Variants in FLT1 observed in about 807,000 individuals in gnomAD.
The protein encoded by FLT1 is vascular endothelial growth factor receptor 1.
Under a neutral mutation model 156.3 loss-of-function variants are expected in FLT1, and 49 were observed. The ratio of observed to expected loss-of-function variants is 0.31; its 90% CI spans 0.25 to 0.40. The LOEUF is 0.40. Among genes scored for constraint, FLT1 ranks in the 10% least tolerant of loss-of-function variants. The pLI, the probability that FLT1 is intolerant of heterozygous loss-of-function variation, is 1.00. For missense variants in FLT1, 1,322 were observed against 1,637.2 expected (o/e 0.81, Z 3.32); for synonymous variants, 594 against 583.8 (o/e 1.02, Z -0.25).
chr13:28,492,562 T>C (rs1881528166), intron 1 of FLT1, among the ~76,000 whole-genome samples: 1 of 152,372 alleles, frequency 6.6e-6, no homozygotes, highest in African/African-American at 2.4e-5. Flanking sequence ...TCAATGCATG[T>C]GCACACCAGG....
intron 6 of FLT1, among the ~76,000 whole-genome samples, chr13:28,431,555 A>G (rs1173509851): frequency 6.6e-6 from 1 of 152,178 alleles, no homozygotes; most frequent in African/African-American, 2.4e-5. Flanking sequence ...CACATATACT[A>G]TCTCAATTGT....
intron 14 of FLT1, among the ~76,000 whole-genome samples, chr13:28,383,692 G>A (rs1874184523): frequency 6.6e-6 from 1 of 151,750 alleles, no homozygotes; most frequent in Non-Finnish European, 1.5e-5. Flanking sequence ...AGCTGGGTGT[G>A]GCGGCGGGCA....
intron 1 of FLT1, among the ~76,000 whole-genome samples, chr13:28,476,262 T>G (rs556908358): frequency 6.6e-6 from 1 of 152,162 alleles, no homozygotes; most frequent in East Asian, 1.9e-4. Flanking sequence ...TTTAATTACA[T>G]TTTTCATTCA....
chr13:28,461,927 G>A (rs945090683), intron 3 of FLT1, among the ~76,000 whole-genome samples: 1 of 152,282 alleles, frequency 6.6e-6, no homozygotes, highest in African/African-American at 2.4e-5. Flanking sequence ...CCAACCCATT[G>A]ACTTTAATAG....
At chr13:28,332,752 T>C (rs1205896749) in intron 18 of FLT1, among the ~76,000 whole-genome samples, 1 of 152,224 alleles carries the variant, frequency 6.6e-6, no homozygotes, top group Non-Finnish European at 1.5e-5. Flanking sequence ...GATAATAATG[T>C]CTACCTCACA....
chr13:28,342,089 G>C (rs1442944946), intron 16 of FLT1, among the ~76,000 whole-genome samples: 1 of 152,012 alleles, frequency 6.6e-6, no homozygotes, highest in African/African-American at 2.4e-5. Context: ...CACCATGTTG[G>C]CCAGGCTGGT....
intron 18 of FLT1, among the ~76,000 whole-genome samples, chr13:28,332,305 GA>G (rs1259463118): frequency 3.3e-5 from 5 of 152,132 alleles, no homozygotes; most frequent in Admixed American, 1.3e-4. Context: ...CTCTTTGGAG[GA>G]AAAAAACCAG....
intron 3 of FLT1, among the ~76,000 whole-genome samples, chr13:28,445,270 G>T (rs962619097): frequency 1.3e-5 from 2 of 152,008 alleles, no homozygotes; most frequent in East Asian, 1.9e-4. Flanking sequence ...TGAGGCAAGG[G>T]TTCAAGACCA....
chr13:28,421,857 G>A (rs1052592782), intron 10 of FLT1, among the ~76,000 whole-genome samples: 1 of 152,136 alleles, frequency 6.6e-6, no homozygotes, highest in African/African-American at 2.4e-5. Context: ...CACGACCATT[G>A]CCATTTACAG....
chr13:28,477,633 A>T lies in FLT1; in HGVS notation c.65-10016T>A, dbSNP rs192483012. Among the ~76,000 whole-genome samples the T allele has an allele frequency of 1.9e-4, 29 of 152,288 alleles. No individual in the cohort carries two copies. In the East Asian group the frequency reaches 5.4e-3, roughly 28 times the overall value. On this transcript the variant is annotated intron_variant, in intron 1 of 29. Transcript: ENST00000282397. ...AGAAAACACTCTTTACACCCTAAAA[A>T]TGCATACAGGAACGTTTTGTCTGTT...
intron 25 of FLT1, among the ~76,000 whole-genome samples, chr13:28,313,259 G>A (rs1871076585): frequency 6.6e-6 from 1 of 152,114 alleles, no homozygotes; most frequent in South Asian, 2.1e-4. Flanking sequence ...GATTACAGGC[G>A]TGAGCCACTG....
chr13:28,490,337 T>A (rs931037175), intron 1 of FLT1, among the ~76,000 whole-genome samples: 3 of 152,244 alleles, frequency 2.0e-5, no homozygotes, highest in Non-Finnish European at 4.4e-5. Flanking sequence ...TCCCCAGGAA[T>A]TCTTGACATC....
At chr13:28,491,034 T>C (rs1430528338) in intron 1 of FLT1, among the ~76,000 whole-genome samples, 2 of 152,244 alleles carry the variant, frequency 1.3e-5, no homozygotes, top group Non-Finnish European at 1.5e-5. Flanking sequence ...TACTCTGTTA[T>C]TTGTTCTTGT....
Position 28,317,911 on chromosome 13 carries a change from A to T in FLT1, c.3287-314T>A, listed in dbSNP as rs1871272088. ...TGAAGGGTCCTTGCCTTCTCCCCAC[A>T]AGTAACTAAAGAAGTCCCATCATTA... On this transcript the variant is annotated intron_variant, in intron 24 of 29. Transcript: ENST00000282397. 2.0e-5 allele frequency among the ~76,000 whole-genome samples: 3 copies of T among 152,048 alleles called. No homozygotes were observed. The South Asian group carries it at 6.2e-4, about 32-fold the overall frequency.
intron 11 of FLT1, chr13:28,398,987 A>G (rs1457974830): frequency 1.1e-5 from 12 of 1,102,644 alleles, no homozygotes; most frequent in Middle Eastern, 1.9e-4. Context: ...AAGAGGTGGG[A>G]CATAAAAAAT....
At chr13:28,421,253 C>T (rs6491284) in intron 10 of FLT1, among the ~76,000 whole-genome samples, 113,232 of 152,110 alleles carry the variant, frequency 0.74, 42,275 homozygotes, top group Non-Finnish European at 0.75. Flanking sequence ...AGAGTCCATG[C>T]ATGTCTACTA....
At chr13:28,325,836 AAAG>A (rs1207520325) in intron 20 of FLT1, among the ~76,000 whole-genome samples, 1 of 151,534 alleles carries the variant, frequency 6.6e-6, no homozygotes, top group Non-Finnish European at 1.5e-5. Flanking sequence ...AAAAAAAAAA[AAAG>A]GTTCTTATTA....
chr13:28,320,171 A>G (rs1342706230), intron 23 of FLT1, among the ~76,000 whole-genome samples: 1 of 152,128 alleles, frequency 6.6e-6, no homozygotes, highest in African/African-American at 2.4e-5. Context: ...GGGATAAAGG[A>G]GAGACAAGGA....
chr13:28,313,000 G>T, intron 25 of FLT1, among the ~76,000 whole-genome samples: 1 of 148,188 alleles, frequency 6.7e-6, no homozygotes. Flanking sequence ...TTATTTTGAT[G>T]CAGAGTCTCA....
Sources: allele counts gnomAD v4.1 joint callset (sites outside exome capture counted in the v4.1 genomes callset), GRCh38; gene constraint gnomAD v4.1.1; transcripts MANE v1.5; gene names NCBI Gene and HGNC (gene_info 2026-07-23, HGNC 2026-07-21).